The following BCAS1 variants were observed in gnomAD, a reference collection of about 807,000 sequenced individuals.
BCAS1 encodes breast carcinoma-amplified sequence 1.
A neutral mutation model predicts 65.4 loss-of-function variants in BCAS1; 46 were observed. That is an observed-to-expected ratio of 0.70 (90% CI 0.55 to 0.90). The LOEUF (loss-of-function observed/expected upper bound fraction) is 0.90, where lower values mean the gene tolerates loss of function less well. BCAS1 is among the 40% of genes least tolerant of loss of function. The pLI is 0.00. For missense variants in BCAS1, 793 were observed against 771.2 expected (o/e 1.03, Z -0.33); for synonymous variants, 298 against 293.5 (o/e 1.02, Z -0.16).
At chr20:53,988,637 C>G (rs943979945) in intron 7 of BCAS1, among the ~76,000 whole-genome samples, 22 of 152,192 alleles carry the variant, frequency 1.4e-4, no homozygotes, top group African/African-American at 5.3e-4. Context: ...AAACTCTTAT[C>G]CTTTCTTTGT....
chr20:53,963,630 C>G (rs1471914122), intron 10 of BCAS1, among the ~76,000 whole-genome samples: 1 of 152,014 alleles, frequency 6.6e-6, no homozygotes, highest in Non-Finnish European at 1.5e-5. Context: ...TAACAATATC[C>G]AAAATTTGTC....
intron 8 of BCAS1, among the ~76,000 whole-genome samples, chr20:53,983,549 A>G (rs1414760147): frequency 6.6e-6 from 1 of 152,170 alleles, no homozygotes; most frequent in East Asian, 1.9e-4. Flanking sequence ...GGTTTTTACC[A>G]TATTGTATCA....
At chr20:54,007,659 A>G (rs1203822293) in intron 4 of BCAS1, among the ~76,000 whole-genome samples, 1 of 152,188 alleles carries the variant, frequency 6.6e-6, no homozygotes, top group African/African-American at 2.4e-5. Context: ...TTCCTGAGTG[A>G]GAGTTTTATG....
intron 10 of BCAS1, among the ~76,000 whole-genome samples, chr20:53,966,485 T>C (rs1415107715): frequency 6.6e-6 from 1 of 151,768 alleles, no homozygotes; most frequent in Non-Finnish European, 1.5e-5. Context: ...GGGGAGAAGG[T>C]TGGGAGAAGG....
intron 3 of BCAS1, among the ~76,000 whole-genome samples, chr20:54,031,715 A>G (rs1600934372): frequency 6.6e-6 from 1 of 151,310 alleles, no homozygotes; most frequent in African/African-American, 2.4e-5. Flanking sequence ...TTAGCATTAC[A>G]TAAGCCAATA....
At chr20:54,059,197 A>G (rs943320278) in intron 1 of BCAS1, among the ~76,000 whole-genome samples, 2 of 152,242 alleles carry the variant, frequency 1.3e-5, no homozygotes, top group African/African-American at 4.8e-5. Flanking sequence ...ACGTAGAGAC[A>G]CAACCAAACT....
chr20:54,064,706 G>T lies in BCAS1; in HGVS notation c.-6+5727C>A, dbSNP rs547149248. On this transcript the variant is annotated intron_variant, in intron 1 of 12. Coordinates refer to ENST00000688948, the MANE Select transcript of BCAS1 (RefSeq NM_001366298.2). ...GAGATCTGGAGTGAGACAGGCATCC[G>T]TAAAATCCCACGATCGTGAGGCTTT... Among the ~76,000 whole-genome samples, 6 of 152,208 alleles carry T rather than the reference G, an allele frequency of 3.9e-5. No homozygotes were observed. In the East Asian group the frequency reaches 1.2e-3, roughly 29 times the overall value.
chr20:54,055,205 TG>T (rs574857428), intron 3 of BCAS1, among the ~76,000 whole-genome samples: 197 of 152,280 alleles, frequency 1.3e-3, no homozygotes, highest in African/African-American at 4.2e-3. Context: ...GAATGTAAAC[TG>T]GCGTAGTCAT....
At chr20:54,034,843 A>AGTCCTGAGACTTTGCTGAAGTTGTTTATC (rs2091868155) in intron 3 of BCAS1, among the ~76,000 whole-genome samples, 1 of 151,296 alleles carries the variant, frequency 6.6e-6, no homozygotes, top group African/African-American at 2.4e-5. Flanking sequence ...CCTAAGCAAA[A>AGTCCTGAGACTTTGCTGAAGTTGTTTATC]AGCATAAAGC....
intron 4 of BCAS1, among the ~76,000 whole-genome samples, chr20:54,020,501 G>A (rs1351431589): frequency 6.6e-6 from 1 of 152,174 alleles, no homozygotes; most frequent in Non-Finnish European, 1.5e-5. Flanking sequence ...TTCAACTTGT[G>A]TTAGGCAGAG....
intron 1 of BCAS1, among the ~76,000 whole-genome samples, chr20:54,063,407 C>T (rs467321): frequency 0.49 from 74,884 of 151,942 alleles, 20,077 homozygotes; most frequent in African/African-American, 0.72. Context: ...GTAGGACTCT[C>T]ACGGGTATGA....
At chr20:54,065,129 T>C (rs2092421466) in intron 1 of BCAS1, among the ~76,000 whole-genome samples, 1 of 141,436 alleles carries the variant, frequency 7.1e-6, no homozygotes, top group Non-Finnish European at 1.6e-5. Context: ...TCTATCTATC[T>C]ATCTATCTAT....
chr20:54,020,370 C>T (rs769596461), intron 4 of BCAS1, among the ~76,000 whole-genome samples: 3 of 152,028 alleles, frequency 2.0e-5, no homozygotes, highest in Non-Finnish European at 4.4e-5. Flanking sequence ...TGGATTAACG[C>T]CATGACATGT....
At chr20:54,069,430 G>GT (rs2092487053) in intron 1 of BCAS1, among the ~76,000 whole-genome samples, 1 of 152,114 alleles carries the variant, frequency 6.6e-6, no homozygotes, top group Non-Finnish European at 1.5e-5. Context: ...TTAACATACC[G>GT]TTTATCTCCA....
At chr20:54,028,994 G>A in intron 3 of BCAS1, 22 bp from the exon 4 acceptor site, 2 of 1,582,456 alleles carry the variant, frequency 1.3e-6, no homozygotes, top group Non-Finnish European at 1.7e-6. Context: ...AACATAAACA[G>A]TGGTTATTCA....
At chr20:54,032,181 A>T (rs575309361) in intron 3 of BCAS1, among the ~76,000 whole-genome samples, 1 of 151,506 alleles carries the variant, frequency 6.6e-6, no homozygotes, top group East Asian at 1.9e-4. Context: ...AATATTCAAC[A>T]TTCTTAAACA....
intron 3 of BCAS1, among the ~76,000 whole-genome samples, chr20:54,051,830 C>T (rs531344256): frequency 6.6e-6 from 1 of 152,074 alleles, no homozygotes; most frequent in East Asian, 1.9e-4. Context: ...CTCTGCCTCC[C>T]TGGGTTCAAG....
At chr20:54,024,931 T>C (rs575670317) in intron 4 of BCAS1, among the ~76,000 whole-genome samples, 1 of 152,264 alleles carries the variant, frequency 6.6e-6, no homozygotes, top group African/African-American at 2.4e-5. Flanking sequence ...TTATTATTAG[T>C]AGCCTGAGCC....
chr20:53,948,436 A>G (rs1364022289), intron 12 of BCAS1, among the ~76,000 whole-genome samples: 1 of 152,206 alleles, frequency 6.6e-6, no homozygotes, highest in Non-Finnish European at 1.5e-5. Context: ...TTTTCTCTTG[A>G]CTAAATGGAC....
Sources: allele counts gnomAD v4.1 joint callset (sites outside exome capture counted in the v4.1 genomes callset), GRCh38; gene constraint gnomAD v4.1.1; transcripts MANE v1.5; gene names NCBI Gene and HGNC (gene_info 2026-07-23, HGNC 2026-07-21).